Variants in WDFY4 observed in about 807,000 individuals in gnomAD.
WDFY4 encodes the protein WDFY family member 4.
Under a neutral mutation model 351.9 loss-of-function variants are expected in WDFY4, and 169 were observed. The ratio of observed to expected loss-of-function variants is 0.48; its 90% CI spans 0.42 to 0.55. WDFY4 has a LOEUF of 0.55. Among genes scored for constraint, WDFY4 ranks in the 20% least tolerant of loss-of-function variants. The pLI is 0.00. For synonymous variants in WDFY4, 1,622 were observed against 1,574.6 expected (o/e 1.03, Z -0.71); for missense variants, 3,803 against 3,935.6 (o/e 0.97, Z 0.90).
intron 1 of WDFY4, among the ~76,000 whole-genome samples, chr10:48,691,562 C>A (rs2063197313): frequency 6.6e-6 from 1 of 152,246 alleles, no homozygotes; most frequent in Non-Finnish European, 1.5e-5. Context: ...CTCCCCTTGC[C>A]CTCCCTGCAG....
chr10:48,873,434 G>A, intron 40 of WDFY4, 57 bp from the exon 41 acceptor site: 1 of 1,473,148 alleles, frequency 6.8e-7, no homozygotes, highest in Non-Finnish European at 9.0e-7. Context: ...TTTGGGGCCA[G>A]GCCCATAAGG....
chr10:48,958,980 T>C (rs148740076), intron 52 of WDFY4, among the ~76,000 whole-genome samples: 1 of 152,324 alleles, frequency 6.6e-6, no homozygotes, highest in Non-Finnish European at 1.5e-5. Context: ...CTCACATTTA[T>C]GGAGTAGCCA....
Position 48,790,903 on chromosome 10 carries a change from A to T in WDFY4, c.4243A>T (p.Ile1415Phe), listed in dbSNP as rs1307629743. ...CATGTGTGACTTCCTGATGCAACAC[A>T]TCTGTGGGTACCAGGTAATCCCATC... The part of the protein sequence containing the change: ...NAMCDFLMQH[I>F]CGYQIMAFLL... The change falls in exon 23 of 62, where the codon ATC (isoleucine) becomes TTC (phenylalanine). Residue 1415 changes from isoleucine (I) to phenylalanine (F), a missense_variant. Physicochemically the swap from Ile to Phe is conservative, Grantham distance 21 (BLOSUM62 0). Transcript: ENST00000325239. The T allele has an allele frequency of 3.9e-6, 6 of 1,551,572 alleles. No homozygotes were observed. The highest frequency in any genetic ancestry group is 5.2e-6 in the Non-Finnish European group (6 of 1,147,004).
intron 32 of WDFY4, among the ~76,000 whole-genome samples, chr10:48,818,833 G>T (rs1487203258): frequency 6.6e-6 from 1 of 152,220 alleles, no homozygotes; most frequent in African/African-American, 2.4e-5. Flanking sequence ...AAGAGTGAAG[G>T]AATGCAGCGT....
intron 48 of WDFY4, among the ~76,000 whole-genome samples, chr10:48,942,379 C>T (rs372889011): frequency 6.0e-5 from 9 of 151,156 alleles, no homozygotes; most frequent in East Asian, 3.9e-4. Context: ...TGCGTGTGTG[C>T]GTGTGTGTGT....
At chr10:48,759,163 T>C (rs2065424216) in intron 12 of WDFY4, among the ~76,000 whole-genome samples, 1 of 152,192 alleles carries the variant, frequency 6.6e-6, no homozygotes, top group Non-Finnish European at 1.5e-5. Flanking sequence ...CAGGGAGATT[T>C]GATGTGCGCT....
In WDFY4 at chr10:48,775,784, C is replaced by T. The variant is rs1257042792; in HGVS notation, c.2841C>T (p.His947=). ...AAATCCTTGATTCATCTCACACACACAGAGGCAACCCTGGGTGCTCAGGTG... is the reference window on the plus strand; with the variant it reads ...AAATCCTTGATTCATCTCACACACATAGAGGCAACCCTGGGTGCTCAGGTG... ...TTKILDSSHT[H]RGNPGCSGSQ... is the part of the protein sequence containing the mutation. The change falls in exon 15 of 62, where the codon CAC becomes CAT. Residue 947 remains histidine, a synonymous_variant. Transcript: ENST00000325239. 2 of 1,551,646 alleles carry T rather than the reference C, an allele frequency of 1.3e-6. No homozygotes were observed. Among genetic ancestry groups the T allele is most frequent in the Non-Finnish European group, 8.7e-7 (1 of 1,147,018 alleles).
chr10:48,921,203 G>A (rs1839044044), intron 47 of WDFY4, among the ~76,000 whole-genome samples: 1 of 152,112 alleles, frequency 6.6e-6, no homozygotes, highest in Non-Finnish European at 1.5e-5. Flanking sequence ...AGGATTATGT[G>A]TCCCAATTTT....
chr10:48,734,443 C>T (rs2064576050), intron 10 of WDFY4, among the ~76,000 whole-genome samples: 1 of 151,932 alleles, frequency 6.6e-6, no homozygotes, highest in Middle Eastern at 3.4e-3. Context: ...AGACATGATG[C>T]ACTTAGCAAT....
At chr10:48,906,743 A>T (rs975226785) in intron 47 of WDFY4, among the ~76,000 whole-genome samples, 5 of 152,274 alleles carry the variant, frequency 3.3e-5, no homozygotes, top group Admixed American at 6.5e-5. Context: ...AGAAAGGGCT[A>T]CAGACAGCTT....
At chr10:48,901,885 G>A in intron 47 of WDFY4, 22 bp downstream of exon 47, 1 of 1,547,320 alleles carries the variant, frequency 6.5e-7, no homozygotes, top group Non-Finnish European at 8.7e-7. Context: ...TAGCCATGCT[G>A]TCTGGGCATG....
At chr10:48,739,191 A>T (rs1002938652) in intron 11 of WDFY4, among the ~76,000 whole-genome samples, 2 of 152,234 alleles carry the variant, frequency 1.3e-5, no homozygotes, top group Admixed American at 1.3e-4. Flanking sequence ...GGAATAACAA[A>T]TAATAGAATG....
Position 48,821,147 on chromosome 10 carries a change from C to T in WDFY4, c.5795C>T (p.Thr1932Ile), listed in dbSNP as rs371073696. 1 of 1,551,642 alleles carries T rather than the reference C, an allele frequency of 6.4e-7. No homozygotes were observed. The highest frequency in any genetic ancestry group is 8.7e-7 in the Non-Finnish European group (1 of 1,146,922). Residue 1932 changes from threonine to isoleucine, a missense_variant, in exon 34 of 62, where the codon ACA (threonine) becomes ATA (isoleucine). Thr to Ile is a moderately conservative substitution (Grantham distance 89). Around this residue, in one of 3 missense-constraint regions of WDFY4, gnomAD observed 3,054 missense variants for 3,148.6 expected, o/e 0.97. Transcript: ENST00000325239. ...TCTGCTATGGAACTATTCCACATGACAAGTGGAGGTGATGCAGCGATGTTC... is the reference window on the plus strand; with the variant it reads ...TCTGCTATGGAACTATTCCACATGATAAGTGGAGGTGATGCAGCGATGTTC... Reference protein sequence around the residue: ...LLSAMELFHMTSGGDAAMFRD... With the variant: ...LLSAMELFHMISGGDAAMFRD...
rs1379072024 is a variant in WDFY4, at chr10:48,894,365, C to G, written c.7317-3089C>G. The stretch of plus-strand genomic sequence containing the variant: ...TAAAAGCTAGGGAGCATTTCTGCCT[C>G]CAGGGAGAAAAGGCACTATTGAAAG... On this transcript the variant is annotated intron_variant, in intron 44 of 61. Transcript: ENST00000325239. 2.0e-5 allele frequency among the ~76,000 whole-genome samples: 3 copies of G among 152,158 alleles called. No homozygotes were observed. The East Asian group carries it at 5.8e-4, about 29-fold the overall frequency.
Position 48,726,010 on chromosome 10 carries a change from T to C in WDFY4, c.721T>C (p.Phe241Leu), listed in dbSNP as rs778983860. 4 of 1,551,574 alleles carry C rather than the reference T, an allele frequency of 2.6e-6. No individual in the cohort carries two copies. Among genetic ancestry groups the C allele is most frequent in the Non-Finnish European group, 3.5e-6 (4 of 1,146,974 alleles). ...CTGCTGCTTCTGGAAGGAACCCACC[T>C]TCTGCGTGCTAAGGGCAATCTCCAA... ...HSCCFWKEPTFCVLRAISKAQ... is the reference protein window; with the variant it reads ...HSCCFWKEPTLCVLRAISKAQ... Residue 241 changes from phenylalanine (F) to leucine (L), a missense_variant, in exon 6 of 62, where the codon TTC (phenylalanine) becomes CTC (leucine). Coordinates refer to ENST00000325239, the MANE Select transcript of WDFY4 (RefSeq NM_001394531.1).
intron 5 of WDFY4, among the ~76,000 whole-genome samples, chr10:48,725,283 G>A (rs1034516267): frequency 1.3e-5 from 2 of 152,204 alleles, no homozygotes; most frequent in Admixed American, 6.5e-5. Flanking sequence ...AGAGCCCAGG[G>A]GGGAGCTGCA....
At chr10:48,810,801 G>A in intron 29 of WDFY4, 66 bp downstream of exon 29, 7 of 1,417,750 alleles carry the variant, frequency 4.9e-6, no homozygotes, top group Non-Finnish European at 5.6e-6. Flanking sequence ...TGAGGACCAA[G>A]CCAGGCCCCT....
intron 2 of WDFY4, among the ~76,000 whole-genome samples, chr10:48,716,933 T>C (rs2063928819): frequency 6.6e-6 from 1 of 152,218 alleles, no homozygotes; most frequent in South Asian, 2.1e-4. Context: ...GGGATTAACA[T>C]GTCTGAGTGG....
chr10:48,964,078 C>G, intron 54 of WDFY4, 24 bp downstream of exon 54: 1 of 1,548,102 alleles, frequency 6.5e-7, no homozygotes, highest in Non-Finnish European at 8.7e-7. Flanking sequence ...TGTCATTTGC[C>G]TTGCTTTCTC....
Sources: allele counts gnomAD v4.1 joint callset (sites outside exome capture counted in the v4.1 genomes callset), GRCh38; gene constraint gnomAD v4.1.1; regional missense constraint gnomAD v4.1.1; transcripts MANE v1.5; gene names NCBI Gene and HGNC (gene_info 2026-07-23, HGNC 2026-07-21).